The following NTM variants were observed in gnomAD, a reference collection of about 807,000 sequenced individuals.
NTM encodes the protein IgLON family member 2.
Under a neutral mutation model 42.1 loss-of-function variants are expected in NTM, and 13 were observed. The observed-to-expected ratio is 0.31, with a 90% CI of 0.20 to 0.49. NTM has a LOEUF of 0.49. Among genes scored for constraint, NTM ranks in the 20% least tolerant of loss-of-function variants. The probability of loss-of-function intolerance (pLI) is 0.99; values close to 1 mark genes in which losing one functional copy is unlikely to be tolerated. For missense variants in NTM, 373 were observed against 452.8 expected (o/e 0.82, Z 1.60); for synonymous variants, 187 against 179.2 (o/e 1.04, Z -0.35).
chr11:132,294,626 G>A (rs570170774), intron 4 of NTM, among the ~76,000 whole-genome samples: 2 of 152,234 alleles, frequency 1.3e-5, no homozygotes, highest in African/African-American at 4.8e-5. Context: ...ACAGGAGGAG[G>A]CAGGAAGGAC....
intron 1 of NTM, among the ~76,000 whole-genome samples, chr11:131,693,922 A>G (rs1281134371): frequency 6.6e-6 from 1 of 152,172 alleles, no homozygotes; most frequent in East Asian, 1.9e-4. Flanking sequence ...GTCTCTGGAG[A>G]CCTGTCTCTT....
At chr11:131,841,140 ATGT>A (rs1327989643) in intron 1 of NTM, among the ~76,000 whole-genome samples, 7 of 152,196 alleles carry the variant, frequency 4.6e-5, no homozygotes, top group African/African-American at 1.7e-4. Flanking sequence ...AATGACTAGG[ATGT>A]TGTTCCTCTC....
chr11:131,591,341 T>C (rs527613965), intron 1 of NTM, among the ~76,000 whole-genome samples: 2 of 152,322 alleles, frequency 1.3e-5, no homozygotes, highest in Admixed American at 1.3e-4. Flanking sequence ...AGCTGTGCTG[T>C]GCTCAGAGGC....
rs2091023200 is a variant in NTM, at chr11:131,792,167, G to A, written c.83-119397G>A. ...GTGTAACCATACCCAGCATATCCTA[G>A]CAAAAATAAAAACAGTCATGTACCT... is the stretch of plus-strand genomic sequence containing the variant. On this transcript the variant is annotated intron_variant, in intron 1 of 8. Coordinates refer to ENST00000683400, the MANE Select transcript of NTM (RefSeq NM_001352005.2). Among the ~76,000 whole-genome samples the A allele has an allele frequency of 2.0e-5, 3 of 151,774 alleles. No homozygotes were observed. In the South Asian group the frequency reaches 6.2e-4, roughly 32 times the overall value.
At chr11:131,801,784 C>T (rs191791517) in intron 1 of NTM, among the ~76,000 whole-genome samples, 4 of 152,224 alleles carry the variant, frequency 2.6e-5, no homozygotes, top group Non-Finnish European at 5.9e-5. Flanking sequence ...CAAACCCGTG[C>T]TCTTCCCGTA....
At chr11:131,439,897 C>T (rs555148777) in intron 1 of NTM, among the ~76,000 whole-genome samples, 17 of 151,090 alleles carry the variant, frequency 1.1e-4, no homozygotes, top group Middle Eastern at 7.0e-3. Context: ...GCATTGATTA[C>T]GCTGGGCACT....
intron 1 of NTM, among the ~76,000 whole-genome samples, chr11:131,886,580 T>A (rs1399247956): frequency 6.6e-6 from 1 of 152,206 alleles, no homozygotes; most frequent in Non-Finnish European, 1.5e-5. Context: ...AACTGTCCAT[T>A]TGGTGGCTGC....
intron 1 of NTM, among the ~76,000 whole-genome samples, chr11:131,526,648 T>C (rs1301209756): frequency 6.6e-6 from 1 of 152,178 alleles, no homozygotes; most frequent in Non-Finnish European, 1.5e-5. Flanking sequence ...GGCCAATTGA[T>C]TCCTACTTTT....
At position 131,603,297 on chromosome 11, in the gene NTM, G is replaced by A. The variant is rs1262520816; in HGVS notation, c.82+232409G>A. Among the ~76,000 whole-genome samples the A allele has an allele frequency of 2.0e-5, 3 of 151,828 alleles. 1 individual carries two copies. Among genetic ancestry groups the A allele is most frequent in the Non-Finnish European group, 4.4e-5 (3 of 67,994 alleles). ...CTTTATCCTCTCTCTGCTTGGGCCA[G>A]TGCTTCTCAATTATAATGTGCATAT... On this transcript the variant is annotated intron_variant, in intron 1 of 8. Transcript: ENST00000683400.
chr11:131,799,908 C>T (rs1182006970), intron 1 of NTM, among the ~76,000 whole-genome samples: 1 of 152,298 alleles, frequency 6.6e-6, no homozygotes, highest in Admixed American at 6.5e-5. Context: ...CACCTCTCCC[C>T]ATATATAAGA....
At chr11:132,195,985 A>G (rs573918670) in intron 3 of NTM, among the ~76,000 whole-genome samples, 13 of 152,356 alleles carry the variant, frequency 8.5e-5, no homozygotes, top group Non-Finnish European at 1.8e-4. Flanking sequence ...GCACAGCAAA[A>G]TAAACTGTCA....
At chr11:131,616,554 C>T (rs1647206860) in intron 1 of NTM, among the ~76,000 whole-genome samples, 1 of 152,150 alleles carries the variant, frequency 6.6e-6, no homozygotes, top group South Asian at 2.1e-4. Context: ...AATAGTTTAG[C>T]AATGGCCTAG....
At chr11:132,083,205 A>G (rs755894730) in intron 2 of NTM, among the ~76,000 whole-genome samples, 8 of 152,230 alleles carry the variant, frequency 5.3e-5, no homozygotes, top group Non-Finnish European at 8.8e-5. Flanking sequence ...TTAGTTTAAA[A>G]TGTAGATGAA....
chr11:131,726,243 C>A (rs974536501), intron 1 of NTM, among the ~76,000 whole-genome samples: 4 of 152,118 alleles, frequency 2.6e-5, no homozygotes, highest in Non-Finnish European at 5.9e-5. Flanking sequence ...TCTCTAGCGA[C>A]CCTATCTTTT....
chr11:131,523,204 TG>T (rs1284681305), intron 1 of NTM, among the ~76,000 whole-genome samples: 1 of 152,200 alleles, frequency 6.6e-6, no homozygotes, highest in African/African-American at 2.4e-5. Flanking sequence ...GAAAGATATT[TG>T]TTGAATGAAT....
chr11:131,852,864 A>G (rs900556775), intron 1 of NTM, among the ~76,000 whole-genome samples: 6 of 150,186 alleles, frequency 4.0e-5, no homozygotes, highest in Admixed American at 1.3e-4. Flanking sequence ...CCATCTATCC[A>G]TCCATCCACC....
intron 1 of NTM, among the ~76,000 whole-genome samples, chr11:131,639,988 AAAAT>A (rs1300293317): frequency 6.7e-6 from 1 of 150,026 alleles, no homozygotes; most frequent in East Asian, 1.9e-4. Flanking sequence ...TAATAAAATA[AAAAT>A]AAATAAATAA....
chr11:131,974,839 T>C (rs2064078724), intron 2 of NTM, among the ~76,000 whole-genome samples: 1 of 152,188 alleles, frequency 6.6e-6, no homozygotes, highest in Non-Finnish European at 1.5e-5. Flanking sequence ...CAGTCTGACC[T>C]ACAAAACTTT....
At chr11:132,237,116 T>A (rs1733724901) in intron 4 of NTM, among the ~76,000 whole-genome samples, 1 of 152,190 alleles carries the variant, frequency 6.6e-6, no homozygotes, top group Non-Finnish European at 1.5e-5. Context: ...AGATGGCCAT[T>A]GCTGGTGTAA....
Sources: gnomAD v4.1 joint callset for allele counts (sites outside exome capture counted in the v4.1 genomes callset) on GRCh38, gnomAD v4.1.1 for gene constraint, MANE v1.5 for transcripts, NCBI Gene and HGNC (gene_info 2026-07-23, HGNC 2026-07-21) for gene names.